Variants in TRIM2 observed in about 807,000 individuals in gnomAD.
TRIM2 encodes the protein tripartite motif-containing protein 2.
Under a neutral mutation model 75.2 loss-of-function variants are expected in TRIM2, and 20 were observed. The observed-to-expected ratio is 0.27, with a 90% CI of 0.19 to 0.39. TRIM2 has a LOEUF of 0.39. Ranked by LOEUF, TRIM2 falls within the 10% of genes least tolerant of loss-of-function variation. The pLI is 1.00. For synonymous variants in TRIM2, 373 were observed against 388.3 expected, an observed-to-expected ratio of 0.96 and a Z score of 0.46; for missense variants, 660 against 990.8, an observed-to-expected ratio of 0.67 and a Z score of 4.48.
At chr4:153,194,936 G>T (rs1056648651) in intron 1 of TRIM2, among the ~76,000 whole-genome samples, 1 of 152,170 alleles carries the variant, frequency 6.6e-6, no homozygotes, top group African/African-American at 2.4e-5. Context: ...ACTTCTTGGG[G>T]CTTCTAAGTG....
chr4:153,185,460 C>T (rs2149646318), intron 1 of TRIM2, among the ~76,000 whole-genome samples: 1 of 152,252 alleles, frequency 6.6e-6, no homozygotes, highest in South Asian at 2.1e-4. Context: ...GCACAGCCTA[C>T]TGCATGTCTC....
chr4:153,188,885 T>A (rs1274121722), intron 1 of TRIM2, among the ~76,000 whole-genome samples: 3 of 152,182 alleles, frequency 2.0e-5, no homozygotes, highest in Non-Finnish European at 4.4e-5. Context: ...TCTCAAACTG[T>A]ACATTTTATA....
chr4:153,308,513 C>T (rs1765518757), intron 6 of TRIM2: 1 of 758,298 alleles, frequency 1.3e-6, no homozygotes, highest in South Asian at 1.3e-5. Context: ...AGTGCTGATA[C>T]AAGTTCCTTT....
intron 1 of TRIM2, among the ~76,000 whole-genome samples, chr4:153,193,384 T>G (rs527574969): frequency 1.4e-3 from 206 of 152,158 alleles, no homozygotes; most frequent in African/African-American, 4.5e-3. Flanking sequence ...GCCCGCCTTG[T>G]CCTCCCAAAG....
chr4:153,275,547 C>A, intron 2 of TRIM2, among the ~76,000 whole-genome samples: 1 of 152,216 alleles, frequency 6.6e-6, no homozygotes, highest in African/African-American at 2.4e-5. Context: ...ACATGGGGAG[C>A]TGACTCAGCA....
intron 6 of TRIM2, among the ~76,000 whole-genome samples, chr4:153,296,460 C>A (rs1579442977): frequency 6.6e-6 from 1 of 152,238 alleles, no homozygotes; most frequent in Non-Finnish European, 1.5e-5. Context: ...TGTGCCAGAG[C>A]TGAGGCTGTA....
At chr4:153,259,929 A>G (rs150507621) in intron 1 of TRIM2, among the ~76,000 whole-genome samples, 24 of 152,252 alleles carry the variant, frequency 1.6e-4, no homozygotes, top group Non-Finnish European at 3.1e-4. Flanking sequence ...ATTCCCTTCT[A>G]CTTTACCTCT....
At chr4:153,297,452 T>A (rs1763001423) in intron 6 of TRIM2, among the ~76,000 whole-genome samples, 1 of 152,204 alleles carries the variant, frequency 6.6e-6, no homozygotes, top group African/African-American at 2.4e-5. Context: ...AAATATCTGC[T>A]TATCAGAACT....
intron 1 of TRIM2, among the ~76,000 whole-genome samples, chr4:153,218,737 C>T (rs1739162507): frequency 6.6e-6 from 1 of 152,072 alleles, no homozygotes; most frequent in Non-Finnish European, 1.5e-5. Context: ...GTTGTAGCCA[C>T]TTGTATGTAT....
chr4:153,166,397 A>ATT (rs778671669), intron 1 of TRIM2, among the ~76,000 whole-genome samples: 58 of 152,290 alleles, frequency 3.8e-4, no homozygotes, highest in Admixed American at 8.5e-4. Context: ...AATTGGGACA[A>ATT]GACCTTTGTA....
intron 1 of TRIM2, among the ~76,000 whole-genome samples, chr4:153,228,242 T>C (rs1191253688): frequency 1.3e-5 from 2 of 152,198 alleles, no homozygotes; most frequent in African/African-American, 2.4e-5. Context: ...GAATCATCCT[T>C]GTCACTCCAT....
At chr4:153,225,155 C>T (rs1422189721) in intron 1 of TRIM2, among the ~76,000 whole-genome samples, 1 of 152,168 alleles carries the variant, frequency 6.6e-6, no homozygotes, top group East Asian at 1.9e-4. Context: ...AATCCTGGTG[C>T]AATAACATTA....
intron 1 of TRIM2, among the ~76,000 whole-genome samples, chr4:153,234,028 A>G (rs1458256492): frequency 6.6e-6 from 1 of 152,200 alleles, no homozygotes; most frequent in Non-Finnish European, 1.5e-5. Flanking sequence ...AAATTCTTCA[A>G]AGTTAAGTGC....
At chr4:153,275,797 C>A in intron 2 of TRIM2, 96 bp from the exon 3 acceptor site, 3 of 1,182,166 alleles carry the variant, frequency 2.5e-6, no homozygotes, top group South Asian at 1.4e-5. Context: ...GAGTTTCTGC[C>A]AAATACCTTG....
chr4:153,232,063 C>T (rs28695634), intron 1 of TRIM2, among the ~76,000 whole-genome samples: 1 of 152,008 alleles, frequency 6.6e-6, no homozygotes, highest in Non-Finnish European at 1.5e-5. Context: ...TGAAAAAAAA[C>T]CAAAATCCAA....
chr4:153,261,938 A>G (rs1040317855), intron 1 of TRIM2, among the ~76,000 whole-genome samples: 20 of 152,206 alleles, frequency 1.3e-4, no homozygotes, highest in Admixed American at 5.2e-4. Context: ...GAGCCAGGAA[A>G]AACACCAGAG....
chr4:153,244,152 T>C (rs1578877561), intron 1 of TRIM2, among the ~76,000 whole-genome samples: 1 of 113,874 alleles, frequency 8.8e-6, no homozygotes, highest in East Asian at 2.6e-4. Context: ...TTGTTCTTCT[T>C]GTTCTTCTTC....
At chr4:153,191,215 G>C (rs188491961) in intron 1 of TRIM2, among the ~76,000 whole-genome samples, 47 of 152,260 alleles carry the variant, frequency 3.1e-4, no homozygotes, top group African/African-American at 1.1e-3. Context: ...CTTAGTTTTA[G>C]TTCAAAAAGT....
chr4:153,299,509 C>T (rs1002917408), intron 6 of TRIM2, among the ~76,000 whole-genome samples: 1 of 152,186 alleles, frequency 6.6e-6, no homozygotes, highest in African/African-American at 2.4e-5. Flanking sequence ...ATCTCTTTGA[C>T]ATCTTGACTT....
Sources: allele counts gnomAD v4.1 joint callset (sites outside exome capture counted in the v4.1 genomes callset), GRCh38; gene constraint gnomAD v4.1.1; transcripts MANE v1.5; gene names NCBI Gene and HGNC (gene_info 2026-07-23, HGNC 2026-07-21).